The following SLC44A1 variants were observed in gnomAD, a reference collection of about 807,000 sequenced individuals.
The protein encoded by SLC44A1 is choline transporter-like protein 1.
SLC44A1 carries 26 observed loss-of-function variants against 79.3 expected under a neutral mutation model. That is an observed-to-expected ratio of 0.33 (90% CI 0.24 to 0.46). The LOEUF is 0.46. Ranked by LOEUF, SLC44A1 falls within the 20% of genes least tolerant of loss-of-function variation. The pLI, the probability that SLC44A1 is intolerant of heterozygous loss-of-function variation, is 1.00. For missense variants in SLC44A1, 688 were observed against 798.1 expected (o/e 0.86, Z 1.66); for synonymous variants, 263 against 286.2 (o/e 0.92, Z 0.82).
At chr9:105,310,332 C>T (rs1309445577) in intron 3 of SLC44A1, among the ~76,000 whole-genome samples, 1 of 152,008 alleles carries the variant, frequency 6.6e-6, no homozygotes, top group East Asian at 1.9e-4. Context: ...ATAAAAGATA[C>T]ATTTTGTCAG....
At chr9:105,329,884 A>G (rs867365295) in intron 3 of SLC44A1, among the ~76,000 whole-genome samples, 2 of 151,938 alleles carry the variant, frequency 1.3e-5, no homozygotes, top group African/African-American at 4.8e-5. Flanking sequence ...CTCCTCCTTA[A>G]TGGTTTCTCT....
intron 14 of SLC44A1, among the ~76,000 whole-genome samples, chr9:105,384,912 T>C (rs1828584030): frequency 6.6e-6 from 1 of 152,212 alleles, no homozygotes; most frequent in Non-Finnish European, 1.5e-5. Flanking sequence ...CATGGTCAGA[T>C]TGACACTTTT....
At chr9:105,296,744 TCA>T (rs1830732219) in intron 1 of SLC44A1, among the ~76,000 whole-genome samples, 1 of 152,242 alleles carries the variant, frequency 6.6e-6, no homozygotes, top group Non-Finnish European at 1.5e-5. Flanking sequence ...CATTCTTTAT[TCA>T]CACTGTGAAC....
At chr9:105,431,982 G>A (rs756732521) in intron 15 of SLC44A1, among the ~76,000 whole-genome samples, 2 of 152,196 alleles carry the variant, frequency 1.3e-5, no homozygotes, top group Non-Finnish European at 2.9e-5. Context: ...TAGTGCAGTG[G>A]CGCAATCTTG....
chr9:105,331,359 G>T (rs148184958), intron 3 of SLC44A1, among the ~76,000 whole-genome samples: 1 of 152,298 alleles, frequency 6.6e-6, no homozygotes, highest in Non-Finnish European at 1.5e-5. Context: ...GTGAAAGTAG[G>T]TGGATACTGC....
rs764596324 is a variant in SLC44A1, at chr9:105,361,207, A to G, written c.777A>G (p.Leu259=). The G allele has an allele frequency of 2.5e-6, 4 of 1,614,110 alleles. No individual in the cohort carries two copies. The Admixed American group carries it at 5.0e-5, about 20-fold the overall frequency. The change falls in exon 8 of 16, where the codon CTA becomes CTG. Residue 259 remains leucine (L), a synonymous_variant. Coordinates refer to ENST00000374720, the MANE Select transcript of SLC44A1 (RefSeq NM_080546.5). The part of the protein sequence containing the change: ...ILGSLGGTGV[L]WWLYAKQRRS... The stretch of plus-strand genomic sequence containing the variant: ...TGTCTCCAGGAGGCACAGGTGTACT[A>G]TGGTGGCTGTATGCAAAGCAAAGAA...
intron 3 of SLC44A1, among the ~76,000 whole-genome samples, chr9:105,335,118 C>T (rs1410945812): frequency 6.6e-6 from 1 of 151,702 alleles, no homozygotes; most frequent in Admixed American, 6.6e-5. Context: ...TTATATAATT[C>T]TGTTCATATG....
At chr9:105,370,279 T>A (rs1828057713) in intron 12 of SLC44A1, among the ~76,000 whole-genome samples, 1 of 152,236 alleles carries the variant, frequency 6.6e-6, no homozygotes, top group African/African-American at 2.4e-5. Flanking sequence ...GCAGCACATT[T>A]TTCTTCCTGA....
intron 12 of SLC44A1, among the ~76,000 whole-genome samples, chr9:105,369,980 T>C (rs896386196): frequency 2.6e-5 from 4 of 152,248 alleles, no homozygotes; most frequent in Admixed American, 6.5e-5. Context: ...ACCTTGCTCC[T>C]GGGGGTTGAA....
At chr9:105,388,026 G>A (rs1828676082) in intron 15 of SLC44A1, among the ~76,000 whole-genome samples, 1 of 152,086 alleles carries the variant, frequency 6.6e-6, no homozygotes, top group Admixed American at 6.6e-5. Context: ...TTCATTGCTT[G>A]CAGATTAATG....
At chr9:105,351,808 CA>C (rs1329562400) in intron 5 of SLC44A1, among the ~76,000 whole-genome samples, 1 of 152,070 alleles carries the variant, frequency 6.6e-6, no homozygotes, top group African/African-American at 2.4e-5. Flanking sequence ...TTAACCTTCA[CA>C]AAAATCTGTC....
intron 15 of SLC44A1, among the ~76,000 whole-genome samples, chr9:105,437,893 A>C (rs1829484320): frequency 6.6e-6 from 1 of 152,210 alleles, no homozygotes; most frequent in South Asian, 2.1e-4. Context: ...TCTTTGTCAA[A>C]GAACAATACT....
intron 1 of SLC44A1, among the ~76,000 whole-genome samples, chr9:105,295,036 T>A (rs770554059): frequency 2.4e-4 from 37 of 152,194 alleles, no homozygotes; most frequent in Non-Finnish European, 4.3e-4. Context: ...TGTTTGTTTG[T>A]TTTTAGTATC....
intron 2 of SLC44A1, chr9:105,299,647 G>C (rs1479720132): frequency 2.9e-6 from 1 of 344,580 alleles, no homozygotes; most frequent in Admixed American, 6.1e-5. Flanking sequence ...GTTATCTTTA[G>C]GGCAGTCATT....
rs58990352 is a variant in SLC44A1 at position 105,369,058 on chromosome 9, T to C, written c.1494+2629T>C. 1.1e-3 allele frequency among the ~76,000 whole-genome samples: 172 copies of C among 152,256 alleles called. 1 individual carries two copies. Among genetic ancestry groups the C allele is most frequent in the African/African-American group, 4.1e-3 (169 of 41,568 alleles). ...TTCAAGAAAAAAGAAAGAAAGCCTGTTGAAATTAAGATTTGCAACACACTT... is the reference window on the plus strand; with the variant it reads ...TTCAAGAAAAAAGAAAGAAAGCCTGCTGAAATTAAGATTTGCAACACACTT... On this transcript the variant is annotated intron_variant, in intron 12 of 15. Transcript: ENST00000374720.
Position 105,395,603 on chromosome 9 carries a change from G to A in SLC44A1, c.*6547G>A, listed in dbSNP as rs1828860212. 1.0e-6 allele frequency: 1 copy of A among 985,238 alleles called. No homozygotes were observed. Among genetic ancestry groups the A allele is most frequent in the Admixed American group, 6.1e-5 (1 of 16,270 alleles). 61.0% of individuals were successfully genotyped at this position (985,238 alleles called of 1,614,324 possible). ...CCATGTTGGATAGAAAAGGGCGTAA[G>A]TCCAGTCTAAGTATCTAAATGTGAT... On this transcript the variant is annotated 3_prime_UTR_variant, in exon 16 of 16. Coordinates refer to ENST00000374720, the MANE Select transcript of SLC44A1 (RefSeq NM_080546.5).
chr9:105,260,928 C>A (rs1250095901), intron 1 of SLC44A1, among the ~76,000 whole-genome samples: 2 of 152,074 alleles, frequency 1.3e-5, no homozygotes, highest in African/African-American at 4.8e-5. Context: ...AATAATAGAT[C>A]CTCAATAAAT....
chr9:105,296,938 C>T (rs1390715231), intron 1 of SLC44A1, among the ~76,000 whole-genome samples: 3 of 152,164 alleles, frequency 2.0e-5, no homozygotes, highest in Non-Finnish European at 2.9e-5. Flanking sequence ...CTTCCTGCCA[C>T]CCAGAGATAT....
At chr9:105,334,376 T>C (rs1163497546) in intron 3 of SLC44A1, among the ~76,000 whole-genome samples, 3 of 151,822 alleles carry the variant, frequency 2.0e-5, no homozygotes, top group Non-Finnish European at 4.4e-5. Flanking sequence ...TCCTACTTAT[T>C]TTTTTTTCCT....
Sources: allele counts gnomAD v4.1 joint callset (sites outside exome capture counted in the v4.1 genomes callset), GRCh38; gene constraint gnomAD v4.1.1; transcripts MANE v1.5; gene names NCBI Gene and HGNC (gene_info 2026-07-23, HGNC 2026-07-21).